Variants in PHF24 observed in about 807,000 individuals in gnomAD.
PHF24 encodes the protein Galpha inhibitory interacting protein.
A neutral mutation model predicts 42.6 loss-of-function variants in PHF24; 25 were observed. That is an observed-to-expected ratio of 0.59 (90% CI 0.43 to 0.82). The LOEUF (loss-of-function observed/expected upper bound fraction) is 0.82. Among genes scored for constraint, PHF24 ranks in the 40% least tolerant of loss-of-function variants. PHF24 has a pLI of 0.00. For missense variants in PHF24, 470 were observed against 538.1 expected (o/e 0.87, Z 1.25); for synonymous variants, 185 against 204.8 (o/e 0.90, Z 0.83).
At chr9:34,689,827 T>C in the PHF24 span, 2 of 1,614,146 alleles carry the variant, frequency 1.2e-6, no homozygotes, top group Non-Finnish European at 1.7e-6. This position sits in a 1 kb window ranked among gnomAD's most constrained non-coding sequence, Gnocchi z 4.1. Context: ...GGTTAACTGC[T>C]GCGGCGCTTC....
chr9:34,725,952 T>C, the PHF24 span: 1 of 1,548,928 alleles, frequency 6.5e-7, no homozygotes, highest in Non-Finnish European at 8.7e-7. Context: ...AATAGCTGGC[T>C]GTATTTCTGC....
chr9:34,757,567 T>G, the PHF24 span, among the ~76,000 whole-genome samples: 1 of 152,184 alleles, frequency 6.6e-6, no homozygotes, highest in Admixed American at 6.5e-5. Flanking sequence ...CAGTCACCTT[T>G]TCTCATTTTA....
chr9:34,768,624 G>A, the PHF24 span, among the ~76,000 whole-genome samples: 1 of 152,108 alleles, frequency 6.6e-6, no homozygotes. Flanking sequence ...TACGTTGGTG[G>A]CTATAATAGA....
the PHF24 span, among the ~76,000 whole-genome samples, chr9:34,914,714 C>T: frequency 6.6e-6 from 1 of 152,090 alleles, no homozygotes; most frequent in Non-Finnish European, 1.5e-5. Flanking sequence ...ATTTGGGTTA[C>T]TAGTCTTTTC....
At chr9:34,796,431 A>AG in the PHF24 span, among the ~76,000 whole-genome samples, 1 of 152,050 alleles carries the variant, frequency 6.6e-6, no homozygotes, top group Admixed American at 6.6e-5. Flanking sequence ...TTAAAAAAAA[A>AG]CAAGATATTG....
At chr9:34,717,126 C>T in the PHF24 span, among the ~76,000 whole-genome samples, 1 of 152,134 alleles carries the variant, frequency 6.6e-6, no homozygotes, top group Non-Finnish European at 1.5e-5. Context: ...CTTATTTGGC[C>T]ATGTAAACAT....
At chr9:34,746,739 C>T in the PHF24 span, among the ~76,000 whole-genome samples, 12 of 152,202 alleles carry the variant, frequency 7.9e-5, no homozygotes, top group East Asian at 2.3e-3. Flanking sequence ...GGAGGCATGC[C>T]CTGCTCCCAG....
chr9:34,780,963 AAAC>A, the PHF24 span, among the ~76,000 whole-genome samples: 4 of 152,228 alleles, frequency 2.6e-5, no homozygotes, highest in African/African-American at 7.2e-5. Context: ...GTCTATAATA[AAAC>A]AACAACAGAA....
At chr9:34,894,476 G>A in the PHF24 span, 45 of 398,474 alleles carry the variant, frequency 1.1e-4, no homozygotes, top group African/African-American at 6.2e-4. Flanking sequence ...ACAACTTCTC[G>A]GCTTCTTCCT....
upstream of PHF24, among the ~76,000 whole-genome samples, chr9:34,958,024 C>G (rs1826428482): frequency 2.0e-5 from 3 of 150,792 alleles, no homozygotes; most frequent in South Asian, 6.2e-4. This position sits in a 1 kb window ranked among gnomAD's most constrained non-coding sequence, Gnocchi z 4.5. Flanking sequence ...CGGAGCCGTC[C>G]GCCGTCCTCC....
the PHF24 span, among the ~76,000 whole-genome samples, chr9:34,780,187 A>C: frequency 0.019 from 2,938 of 152,268 alleles, 103 homozygotes; most frequent in African/African-American, 0.065. Context: ...ACCTAAATTT[A>C]AAAGCTAAAA....
chr9:34,865,495 C>A, the PHF24 span, among the ~76,000 whole-genome samples: 14 of 151,978 alleles, frequency 9.2e-5, no homozygotes, highest in African/African-American at 3.4e-4. Context: ...ATCCAGGAGG[C>A]AGAGGTTTCA....
chr9:34,706,584 G>A, the PHF24 span, among the ~76,000 whole-genome samples: 1 of 152,212 alleles, frequency 6.6e-6, no homozygotes, highest in South Asian at 2.1e-4. Context: ...GATGAAGGCA[G>A]ACAAGGAGAG....
chr9:34,837,036 G>A, the PHF24 span: 1 of 470,930 alleles, frequency 2.1e-6, no homozygotes, highest in Non-Finnish European at 4.4e-6. Flanking sequence ...CCAGGCTGGT[G>A]TTTAGAGACT....
chr9:34,824,238 G>A, the PHF24 span, among the ~76,000 whole-genome samples: 1 of 152,246 alleles, frequency 6.6e-6, no homozygotes, highest in African/African-American at 2.4e-5. Context: ...GGGTCACAGA[G>A]TCTGGGGGCA....
chr9:34,848,551 C>T, the PHF24 span, among the ~76,000 whole-genome samples: 1 of 151,530 alleles, frequency 6.6e-6, no homozygotes, highest in African/African-American at 2.4e-5. Flanking sequence ...CAAAAAACCA[C>T]CTCCTGGATT....
At chr9:34,700,334 G>C in the PHF24 span, among the ~76,000 whole-genome samples, 1 of 151,460 alleles carries the variant, frequency 6.6e-6, no homozygotes, top group Non-Finnish European at 1.5e-5. Context: ...GACCAGGGTG[G>C]AGGCCGTTGC....
intron 1 of PHF24, among the ~76,000 whole-genome samples, chr9:34,965,099 C>T (rs1363221951): frequency 6.6e-6 from 1 of 152,188 alleles, no homozygotes; most frequent in Non-Finnish European, 1.5e-5. Flanking sequence ...AGGTTTTTAT[C>T]CACAAGCATT....
chr9:34,806,202 T>A, the PHF24 span, among the ~76,000 whole-genome samples: 67 of 152,240 alleles, frequency 4.4e-4, no homozygotes, highest in African/African-American at 1.6e-3. Context: ...CTATTCAGGG[T>A]CTCTTGCAAT....
Sources: gnomAD v4.1 joint callset for allele counts (sites outside exome capture counted in the v4.1 genomes callset) on GRCh38, gnomAD v4.1.1 for gene constraint, Gnocchi (gnomAD v3.1) non-coding constraint, MANE v1.5 for transcripts, NCBI Gene and HGNC (gene_info 2026-07-23, HGNC 2026-07-21) for gene names.